Variants in EIPR1 observed in about 807,000 individuals in gnomAD.
EIPR1 encodes the protein EARP complex and GARP complex interacting protein 1, also known as EARP and GARP complex-interacting protein 1.
In EIPR1, 25 loss-of-function variants were observed where a neutral mutation model predicts 48.1. The ratio of observed to expected loss-of-function variants is 0.52; its 90% confidence interval spans 0.38 to 0.73. EIPR1 has a LOEUF of 0.73. Ranked by LOEUF, EIPR1 falls within the 30% of genes least tolerant of loss-of-function variation. EIPR1 has a pLI of 0.00. For missense variants in EIPR1, 415 were observed against 506.2 expected, an observed-to-expected ratio of 0.82 and a Z score of 1.73; for synonymous variants, 204 against 201.9, an observed-to-expected ratio of 1.01 and a Z score of -0.09.
chr2:3,208,581 C>T (rs1665315936), intron 5 of EIPR1: 6 of 1,550,490 alleles, frequency 3.9e-6, no homozygotes, highest in Non-Finnish European at 5.2e-6. Context: ...CCTTATTACC[C>T]TCTCCAAAGT....
chr2:3,230,366 T>C (rs1199334574), intron 4 of EIPR1, among the ~76,000 whole-genome samples: 1 of 152,174 alleles, frequency 6.6e-6, no homozygotes, highest in Non-Finnish European at 1.5e-5. Context: ...GGGAAATCTG[T>C]GCGTGTGCAG....
intron 3 of EIPR1, among the ~76,000 whole-genome samples, chr2:3,301,794 G>A (rs1668767983): frequency 1.3e-5 from 2 of 152,222 alleles, no homozygotes; most frequent in Admixed American, 6.5e-5. Flanking sequence ...TTTGATACCT[G>A]TGGATACTCA....
At chr2:3,240,457 G>A (rs1325344784) in intron 4 of EIPR1, among the ~76,000 whole-genome samples, 5 of 137,522 alleles carry the variant, frequency 3.6e-5, no homozygotes, top group African/African-American at 1.4e-4. Context: ...CAAAGCAGGA[G>A]ATCCTTCCTC....
intron 5 of EIPR1, among the ~76,000 whole-genome samples, chr2:3,204,715 C>T (rs1219847491): frequency 6.6e-6 from 1 of 152,210 alleles, no homozygotes; most frequent in East Asian, 1.9e-4. Context: ...AGAAGAGTCT[C>T]AGCGGAAGAT....
At chr2:3,227,750 T>C (rs1666111130) in intron 4 of EIPR1, among the ~76,000 whole-genome samples, 1 of 152,230 alleles carries the variant, frequency 6.6e-6, no homozygotes, top group Admixed American at 6.5e-5. Flanking sequence ...TGTGCAGCCT[T>C]GGGACATGCT....
rs1198850394 is a variant in EIPR1 at position 3,189,628 on chromosome 2, C to T, written c.990-120G>A. ...CGGGAGGTACTGGGGCCTCAGCTTT[C>T]TCCGCTGTGGGATGGGAAGAATTAG... On this transcript the variant is annotated intron_variant, in intron 8 of 8. Coordinates refer to ENST00000382125, the MANE Select transcript of EIPR1 (RefSeq NM_003310.5). This position sits in a 1 kb window ranked among gnomAD's most constrained non-coding sequence, Gnocchi z 4.6. 1.0e-6 allele frequency: 1 copy of T among 970,734 alleles called. No individual in the cohort carries two copies. The highest frequency in any genetic ancestry group is 1.4e-6 in the Non-Finnish European group (1 of 700,502). The allele number at this position is 970,734 out of a possible 1,614,324, so 60.1% of individuals were successfully genotyped here.
intron 4 of EIPR1, among the ~76,000 whole-genome samples, chr2:3,229,839 C>T (rs1666184261): frequency 6.6e-6 from 1 of 152,188 alleles, no homozygotes; most frequent in Non-Finnish European, 1.5e-5. Context: ...GGTGGTCATT[C>T]CAACAGGGTA....
At chr2:3,289,387 C>T (rs911060412) in intron 3 of EIPR1, among the ~76,000 whole-genome samples, 8 of 152,132 alleles carry the variant, frequency 5.3e-5, no homozygotes, top group African/African-American at 1.9e-4. Flanking sequence ...ATCTCAAATG[C>T]CTACAAAAAT....
intron 3 of EIPR1, among the ~76,000 whole-genome samples, chr2:3,263,413 C>T (rs1364258139): frequency 6.6e-6 from 1 of 152,168 alleles, no homozygotes; most frequent in Non-Finnish European, 1.5e-5. Context: ...GACACTTAGT[C>T]CAAGTATGAG....
chr2:3,301,574 A>G (rs1209465928), intron 3 of EIPR1: 1 of 152,226 alleles, frequency 6.6e-6, no homozygotes, highest in Admixed American at 6.5e-5. Context: ...ATTAGTTCTT[A>G]CTCAGGTACC....
chr2:3,281,227 T>C (rs1381130512), intron 3 of EIPR1, among the ~76,000 whole-genome samples: 1 of 151,792 alleles, frequency 6.6e-6, no homozygotes. Flanking sequence ...TTTCTCTTCT[T>C]GGCCCAAAAG....
At position 3,281,261 on chromosome 2, in the gene EIPR1, G is replaced by A. The variant is rs150982157; in HGVS notation, c.260-23806C>T. On this transcript the variant is annotated intron_variant, in intron 3 of 8. Coordinates refer to ENST00000382125, the MANE Select transcript of EIPR1 (RefSeq NM_003310.5). ...AGTGCCCTCTGGTTGTGGTGGCTGG[G>A]ACCTGCCCTCCTTCTCGGTGTCCCT... Among the ~76,000 whole-genome samples, 201 of 151,358 alleles carry A rather than the reference G, an allele frequency of 1.3e-3. 1 individual carries two copies. Among genetic ancestry groups the A allele is most frequent in the East Asian group, 1.4e-3 (7 of 5,096 alleles).
chr2:3,235,927 C>G (rs1046388927), intron 4 of EIPR1, among the ~76,000 whole-genome samples: 16 of 152,184 alleles, frequency 1.1e-4, no homozygotes, highest in Non-Finnish European at 2.9e-5. Flanking sequence ...CGACAGCTCT[C>G]CCTCCCAGTG....
intron 3 of EIPR1, among the ~76,000 whole-genome samples, chr2:3,321,941 G>A (rs1419419650): frequency 6.6e-6 from 1 of 152,210 alleles, no homozygotes; most frequent in Non-Finnish European, 1.5e-5. Context: ...CCACGCATGA[G>A]CTCAAATGAT....
intron 4 of EIPR1, among the ~76,000 whole-genome samples, chr2:3,234,874 CA>C (rs1222929113): frequency 1.3e-5 from 2 of 152,216 alleles, no homozygotes; most frequent in African/African-American, 2.4e-5. Flanking sequence ...CCATGGCCTC[CA>C]AAAGACACTC....
intron 5 of EIPR1, among the ~76,000 whole-genome samples, chr2:3,202,542 G>A (rs1172077966): frequency 6.6e-6 from 1 of 152,176 alleles, no homozygotes; most frequent in African/African-American, 2.4e-5. Flanking sequence ...GAAACACAAG[G>A]TCACACCTTT....
At chr2:3,247,443 A>G (rs1666868655) in intron 4 of EIPR1, among the ~76,000 whole-genome samples, 1 of 152,190 alleles carries the variant, frequency 6.6e-6, no homozygotes, top group African/African-American at 2.4e-5. Flanking sequence ...AATGGTGATG[A>G]TGATGCATTG....
rs190634225 is a variant in EIPR1, at chr2:3,347,108, C to T, written c.126+7442G>A. On this transcript the variant is annotated intron_variant, in intron 2 of 8. Coordinates refer to ENST00000382125, the MANE Select transcript of EIPR1 (RefSeq NM_003310.5). ...TGCCTGCTCCCACTTCGCCTTCCAC[C>T]GTGACTGGAAGCTTCCTGAGGCCGT... Among the ~76,000 whole-genome samples the T allele has an allele frequency of 4.9e-4, 74 of 152,268 alleles. No individual in the cohort carries two copies. In the East Asian group the frequency reaches 0.011, roughly 23 times the overall value.
intron 3 of EIPR1, among the ~76,000 whole-genome samples, chr2:3,316,927 C>T (rs575392027): frequency 3.3e-5 from 5 of 152,394 alleles, no homozygotes; most frequent in South Asian, 2.1e-4. Flanking sequence ...AAGAGTCAGA[C>T]GCACAGAAAT....
Sources: gnomAD v4.1 joint callset for allele counts (sites outside exome capture counted in the v4.1 genomes callset) on GRCh38, gnomAD v4.1.1 for gene constraint, Gnocchi (gnomAD v3.1) non-coding constraint, MANE v1.5 for transcripts, NCBI Gene and HGNC (gene_info 2026-07-23, HGNC 2026-07-21) for gene names.